PSD3: variants seen among roughly 807,000 people sequenced by gnomAD.
PSD3 encodes the protein PH and SEC7 domain-containing protein 3.
In PSD3, 49 loss-of-function variants were observed where a neutral mutation model predicts 105.5. The observed-to-expected ratio is 0.46, with a 90% CI of 0.37 to 0.59. The LOEUF (loss-of-function observed/expected upper bound fraction) is 0.59, where lower values mean the gene tolerates loss of function less well. Ranked by LOEUF, PSD3 falls within the 20% of genes least tolerant of loss-of-function variation. The pLI is 0.00. For synonymous variants in PSD3, 557 were observed against 457.8 expected (o/e 1.22, Z -2.77); for missense variants, 1,561 against 1,263.8 (o/e 1.24, Z -3.57).
At chr8:18,996,610 T>C (rs948797173) in intron 1 of PSD3, among the ~76,000 whole-genome samples, 2 of 151,986 alleles carry the variant, frequency 1.3e-5, no homozygotes, top group African/African-American at 4.8e-5. Context: ...TGAAGCATCA[T>C]ATTTTTTTCC....
intron 9 of PSD3, among the ~76,000 whole-genome samples, chr8:18,719,514 C>G (rs1802815497): frequency 6.6e-6 from 1 of 152,180 alleles, no homozygotes; most frequent in Admixed American, 6.5e-5. Flanking sequence ...TTGTATAAAA[C>G]TGTATCAAAA....
chr8:18,726,647 C>T (rs539052630), intron 9 of PSD3, among the ~76,000 whole-genome samples: 2 of 152,238 alleles, frequency 1.3e-5, no homozygotes, highest in African/African-American at 4.8e-5. Context: ...AACATGAACT[C>T]GATGTCTGTT....
intron 1 of PSD3, among the ~76,000 whole-genome samples, chr8:19,074,627 T>A (rs1165893325): frequency 8.6e-6 from 1 of 115,732 alleles, no homozygotes; most frequent in Non-Finnish European, 1.8e-5. Flanking sequence ...TTTTTTTTTT[T>A]TTTTTTTTTT....
intron 4 of PSD3, among the ~76,000 whole-genome samples, chr8:18,838,263 C>T (rs1814298316): frequency 6.6e-6 from 1 of 152,116 alleles, no homozygotes; most frequent in South Asian, 2.1e-4. Flanking sequence ...TTTATGTGAT[C>T]AAGAAACATT....
At chr8:18,978,395 G>T (rs1825066300) in intron 1 of PSD3, among the ~76,000 whole-genome samples, 1 of 152,208 alleles carries the variant, frequency 6.6e-6, no homozygotes, top group African/African-American at 2.4e-5. Flanking sequence ...AAGGTCACAG[G>T]ATTTTGTTCA....
chr8:18,654,151 T>A (rs1490125988), intron 10 of PSD3, among the ~76,000 whole-genome samples: 1 of 152,220 alleles, frequency 6.6e-6, no homozygotes, highest in African/African-American at 2.4e-5. Flanking sequence ...TATATATATA[T>A]ATGCAAATAT....
intron 15 of PSD3, among the ~76,000 whole-genome samples, chr8:18,538,901 CA>C (rs1799985971): frequency 6.6e-6 from 1 of 152,114 alleles, no homozygotes; most frequent in South Asian, 2.1e-4. Flanking sequence ...GAAGTAAAGA[CA>C]AAGCAGAAAA....
Position 18,981,574 on chromosome 8 carries a change from A to G in PSD3, c.21+31989T>C, listed in dbSNP as rs568292481. On this transcript the variant is annotated intron_variant, in intron 1 of 15. Coordinates refer to ENST00000327040, the MANE Select transcript of PSD3 (RefSeq NM_015310.4). The stretch of plus-strand genomic sequence containing the variant: ...GTTAAGATTCTGTATATACAGGCAT[A>G]CTCTGGAGATTGTGTGGGTTCAATT... Among the ~76,000 whole-genome samples, 17 of 152,312 alleles carry G rather than the reference A, an allele frequency of 1.1e-4. No individual in the cohort carries two copies. In the South Asian group the frequency reaches 3.5e-3, roughly 32 times the overall value.
In PSD3 at chr8:18,632,781, G is replaced by A; in HGVS notation, c.2242C>T (p.Pro748Ser). ...GCTTTCTCCTCAGTACTTTCTGAGG[G>A]AGACTTTTTTTTCTCTTCATCATCT... ...AVDDEEKKKS[P>S]SESTEEKANG... Residue 748 changes from proline (P) to serine (S), a missense_variant, in exon 11 of 16, where the codon CCC (proline) becomes TCC (serine). Pro to Ser is a moderately conservative substitution (Grantham distance 74). Transcript: ENST00000327040. 1 of 1,589,896 alleles carries A rather than the reference G, an allele frequency of 6.3e-7. No homozygotes were observed. The highest frequency in any genetic ancestry group is 8.6e-7 in the Non-Finnish European group (1 of 1,161,500).
chr8:18,584,854 C>A (rs975414333), intron 12 of PSD3, among the ~76,000 whole-genome samples: 1 of 152,050 alleles, frequency 6.6e-6, no homozygotes, highest in Non-Finnish European at 1.5e-5. Flanking sequence ...GTATGTAGAG[C>A]CTATGGCTTA....
intron 10 of PSD3, among the ~76,000 whole-genome samples, chr8:18,649,098 A>G (rs573196469): frequency 4.6e-5 from 7 of 152,310 alleles, no homozygotes; most frequent in African/African-American, 7.2e-5. Context: ...AGAGTCCCCA[A>G]TGGGTCACTG....
Position 18,752,515 on chromosome 8 carries a change from A to T in PSD3, c.2172+12934T>A, listed in dbSNP as rs1563225009. Reference sequence around the variant, plus strand: ...ATAATATATATAATATATATAATATATGTAATATATATAATTATATATTAT... The same window carrying T: ...ATAATATATATAATATATATAATATTTGTAATATATATAATTATATATTAT... On this transcript the variant is annotated intron_variant, in intron 9 of 15. Coordinates refer to ENST00000327040, the MANE Select transcript of PSD3 (RefSeq NM_015310.4). Among the ~76,000 whole-genome samples the T allele has an allele frequency of 9.9e-3, 841 of 84,972 alleles. 39 individuals are homozygous for T. Among genetic ancestry groups the T allele is most frequent in the African/African-American group, 0.056 (791 of 14,210 alleles). 55.7% of individuals were successfully genotyped at this position (84,972 alleles called of 152,430 possible).
intron 9 of PSD3, chr8:18,683,832 T>A: frequency 1.3e-6 from 1 of 765,314 alleles, no homozygotes; most frequent in Non-Finnish European, 2.4e-6. Context: ...CTTTGACCTG[T>A]GAGACTGCCG....
intron 12 of PSD3, among the ~76,000 whole-genome samples, chr8:18,584,411 T>C (rs773362988): frequency 2.6e-5 from 4 of 152,200 alleles, no homozygotes; most frequent in Non-Finnish European, 4.4e-5. Flanking sequence ...GTGTTCATAT[T>C]TACTTAAGAA....
chr8:18,942,985 G>A (rs1563447509), intron 1 of PSD3, among the ~76,000 whole-genome samples: 1 of 152,188 alleles, frequency 6.6e-6, no homozygotes, highest in Non-Finnish European at 1.5e-5. Context: ...GGAGGAATGT[G>A]GGTTTGAAGA....
chr8:18,627,636 C>A (rs1211385400), intron 11 of PSD3, among the ~76,000 whole-genome samples: 1 of 151,936 alleles, frequency 6.6e-6, no homozygotes, highest in Non-Finnish European at 1.5e-5. Context: ...TCCACCAGAA[C>A]AAAGGGTAAA....
intron 9 of PSD3, among the ~76,000 whole-genome samples, chr8:18,666,363 C>T (rs1436373312): frequency 6.6e-6 from 1 of 152,208 alleles, no homozygotes; most frequent in Non-Finnish European, 1.5e-5. Context: ...GTAAACATAA[C>T]TTCTAAATGC....
intron 1 of PSD3, among the ~76,000 whole-genome samples, chr8:18,964,434 C>T (rs1011280380): frequency 6.6e-6 from 1 of 151,670 alleles, no homozygotes; most frequent in Non-Finnish European, 1.5e-5. Flanking sequence ...ATTAATAACT[C>T]TTGTTACACA....
intron 2 of PSD3, among the ~76,000 whole-genome samples, chr8:18,880,336 T>C (rs1030109638): frequency 7.2e-5 from 11 of 152,180 alleles, no homozygotes; most frequent in Admixed American, 4.6e-4. Flanking sequence ...GATTACCTGC[T>C]ATGTACTAAA....
Sources: allele counts gnomAD v4.1 joint callset (sites outside exome capture counted in the v4.1 genomes callset), GRCh38; gene constraint gnomAD v4.1.1; transcripts MANE v1.5; gene names NCBI Gene and HGNC (gene_info 2026-07-23, HGNC 2026-07-21).